The following PAG1 variants were observed in gnomAD, a reference collection of about 807,000 sequenced individuals.
PAG1 encodes the protein phosphoprotein associated with glycosphingolipid-enriched microdomains 1.
A neutral mutation model predicts 31.7 loss-of-function variants in PAG1; 23 were observed. The observed-to-expected ratio is 0.73, with a 90% CI of 0.52 to 1.03. The LOEUF is 1.03. Among genes scored for constraint, PAG1 ranks in the 50% least tolerant of loss-of-function variants. The pLI is 0.00. For missense variants in PAG1, 473 were observed against 540.7 expected, an observed-to-expected ratio of 0.87 and a Z score of 1.24; for synonymous variants, 214 against 210.3, an observed-to-expected ratio of 1.02 and a Z score of -0.15.
chr8:81,046,179 A>G (rs1288060212), intron 2 of PAG1, among the ~76,000 whole-genome samples: 1 of 152,230 alleles, frequency 6.6e-6, no homozygotes, highest in Non-Finnish European at 1.5e-5. Flanking sequence ...GGTCTTGGAG[A>G]GGATATCAGT....
At chr8:81,026,179 T>C (rs1007073008) in intron 3 of PAG1, among the ~76,000 whole-genome samples, 2 of 152,010 alleles carry the variant, frequency 1.3e-5, no homozygotes, top group African/African-American at 2.4e-5. Flanking sequence ...TGCCTCGCTG[T>C]AGGTACAATA....
Position 81,111,963 on chromosome 8 carries a change from G to T in PAG1, c.-606C>A, listed in dbSNP as rs1336038903. 1.3e-5 allele frequency: 2 copies of T among 152,266 alleles called. No individual in the cohort carries two copies. Among genetic ancestry groups the T allele is most frequent in the East Asian group, 3.9e-4 (2 of 5,186 alleles). 9.4% of individuals were successfully genotyped at this position (152,266 alleles called of 1,614,324 possible). On this transcript the variant is annotated 5_prime_UTR_variant, in exon 1 of 9. In the 5' UTR this introduces an upstream ATG that the reference lacks. Transcript: ENST00000220597. Reference sequence around the variant, plus strand: ...AAAAACCGATGCGCTGCCGCAGGCAGAGCCGCCAGCCCGCCCCCAGTCGGC... The same window carrying T: ...AAAAACCGATGCGCTGCCGCAGGCATAGCCGCCAGCCCGCCCCCAGTCGGC...
In PAG1 at chr8:80,975,212, C is replaced by G. The variant is rs1237796661; in HGVS notation, c.*1332G>C. ...CTGAAAATGATTATTTATGTATATTCCATTTATTTCTCTAGGGGGTCTAGG... is the reference window on the plus strand; with the variant it reads ...CTGAAAATGATTATTTATGTATATTGCATTTATTTCTCTAGGGGGTCTAGG... On this transcript the variant is annotated 3_prime_UTR_variant, in exon 9 of 9. Coordinates refer to ENST00000220597, the MANE Select transcript of PAG1 (RefSeq NM_018440.4). 1 of 152,088 alleles carries G rather than the reference C, an allele frequency of 6.6e-6. No individual in the cohort carries two copies. Among genetic ancestry groups the G allele is most frequent in the African/African-American group, 2.4e-5 (1 of 41,410 alleles). 9.4% of individuals were successfully genotyped at this position (152,088 alleles called of 1,614,324 possible). A position where few individuals can be genotyped will look rare whatever the true frequency, so the allele number is the denominator to read the frequency against.
chr8:80,977,047 T>C (rs1807200540), intron 8 of PAG1, 141 bp from the exon 9 acceptor site: 3 of 705,576 alleles, frequency 4.3e-6, no homozygotes, highest in South Asian at 3.7e-5. Context: ...TCTGTACTAA[T>C]TATGGAGCAC....
At chr8:81,027,122 C>T (rs1351340429) in intron 3 of PAG1, among the ~76,000 whole-genome samples, 1 of 152,014 alleles carries the variant, frequency 6.6e-6, no homozygotes, top group Non-Finnish European at 1.5e-5. Context: ...GAGATCCTCC[C>T]ACTTCAGCCT....
At chr8:81,028,082 C>T (rs891046042) in intron 3 of PAG1, among the ~76,000 whole-genome samples, 3 of 152,122 alleles carry the variant, frequency 2.0e-5, no homozygotes, top group Non-Finnish European at 2.9e-5. Context: ...GGCACACATG[C>T]ACACACACAA....
At chr8:81,054,918 C>T (rs28692796) in intron 2 of PAG1, among the ~76,000 whole-genome samples, 1 of 151,582 alleles carries the variant, frequency 6.6e-6, no homozygotes, top group Non-Finnish European at 1.5e-5. Context: ...AAGGGGGAAA[C>T]TTTTATCACT....
chr8:81,038,671 G>C (rs1243851659), intron 2 of PAG1, among the ~76,000 whole-genome samples: 2 of 152,056 alleles, frequency 1.3e-5, no homozygotes, highest in Admixed American at 6.5e-5. Context: ...ATGTGTGTGT[G>C]TTATGAGAGA....
intron 2 of PAG1, among the ~76,000 whole-genome samples, chr8:81,060,922 C>A (rs991507591): frequency 2.0e-5 from 3 of 152,200 alleles, no homozygotes; most frequent in Non-Finnish European, 4.4e-5. Context: ...GACATGAGGG[C>A]CCATAAAATT....
At chr8:81,070,596 C>T (rs150588704) in intron 1 of PAG1, among the ~76,000 whole-genome samples, 33 of 149,006 alleles carry the variant, frequency 2.2e-4, no homozygotes, top group Middle Eastern at 7.0e-3. Flanking sequence ...GTGCAATGCA[C>T]ATGGATTAAG....
chr8:81,077,536 T>G (rs1809199029), intron 1 of PAG1, among the ~76,000 whole-genome samples: 1 of 152,236 alleles, frequency 6.6e-6, no homozygotes, highest in Admixed American at 6.5e-5. Context: ...ATACCAATTG[T>G]CACCCTCCTA....
At chr8:80,979,485 T>C (rs1807254054) in intron 8 of PAG1, among the ~76,000 whole-genome samples, 2 of 152,182 alleles carry the variant, frequency 1.3e-5, no homozygotes. Context: ...AGATGACCCC[T>C]AGGTTTTGGT....
chr8:81,077,188 A>C (rs1308017436), intron 1 of PAG1, among the ~76,000 whole-genome samples: 1 of 152,238 alleles, frequency 6.6e-6, no homozygotes, highest in African/African-American at 2.4e-5. Flanking sequence ...ACTGAGTCAG[A>C]ATCTGCACAT....
intron 1 of PAG1, among the ~76,000 whole-genome samples, chr8:81,081,852 T>C (rs941875898): frequency 6.6e-6 from 1 of 152,218 alleles, no homozygotes; most frequent in African/African-American, 2.4e-5. Context: ...TTATTTCCAG[T>C]TTTGACTATT....
At chr8:81,021,537 T>C (rs1363056275) in intron 3 of PAG1, among the ~76,000 whole-genome samples, 1 of 147,714 alleles carries the variant, frequency 6.8e-6, no homozygotes, top group African/African-American at 2.5e-5. Context: ...TGTGTGTGTG[T>C]GTGCCTCTGT....
chr8:81,075,588 TCTTA>T (rs1463690742), intron 1 of PAG1, among the ~76,000 whole-genome samples: 3 of 152,336 alleles, frequency 2.0e-5, no homozygotes, highest in South Asian at 2.1e-4. Flanking sequence ...TATATCCTCA[TCTTA>T]CTTAATGCTC....
intron 1 of PAG1, among the ~76,000 whole-genome samples, chr8:81,082,549 A>G (rs1225318592): frequency 6.6e-6 from 1 of 152,164 alleles, no homozygotes; most frequent in Non-Finnish European, 1.5e-5. Flanking sequence ...CTAATGACAC[A>G]AATGGTAAAT....
intron 2 of PAG1, among the ~76,000 whole-genome samples, chr8:81,035,625 G>C (rs753038035): frequency 1.3e-5 from 2 of 152,146 alleles, no homozygotes; most frequent in Non-Finnish European, 2.9e-5. Context: ...GGCAACGATG[G>C]CACATGCAAG....
In PAG1 at chr8:81,086,492, TGTG is replaced by T. The variant is rs552608575; in HGVS notation, c.-233-16325_-233-16323del. 1.5e-3 allele frequency among the ~76,000 whole-genome samples: 220 copies of T among 151,354 alleles called. 1 individual carries two copies. The highest frequency in any genetic ancestry group is 5.1e-3 in the African/African-American group (211 of 41,168). ...CACTGTTAGGGAAGAAGGCAAGAAA[TGTG>T]TGTGTGTGTGCGCGCGCGTGTGTGT... is the stretch of plus-strand genomic sequence containing the variant. On this transcript the variant is annotated intron_variant, in intron 1 of 8. Coordinates refer to ENST00000220597, the MANE Select transcript of PAG1 (RefSeq NM_018440.4).
Sources: allele counts gnomAD v4.1 joint callset (sites outside exome capture counted in the v4.1 genomes callset), GRCh38; gene constraint gnomAD v4.1.1; transcripts MANE v1.5; gene names NCBI Gene and HGNC (gene_info 2026-07-23, HGNC 2026-07-21).